The following TBC1D19 variants were observed in gnomAD, a reference collection of about 807,000 sequenced individuals.
TBC1D19 encodes TBC1 domain family, member 19.
TBC1D19 carries 60 observed loss-of-function variants against 89.0 expected under a neutral mutation model. That is an observed-to-expected ratio of 0.67 (90% CI 0.55 to 0.84). TBC1D19 has a LOEUF of 0.84. Ranked by LOEUF, TBC1D19 falls within the 40% of genes least tolerant of loss-of-function variation. The pLI is 0.00. For synonymous variants in TBC1D19, 189 were observed against 199.7 expected (o/e 0.95, Z 0.45); for missense variants, 500 against 610.8 (o/e 0.82, Z 1.91).
chr4:26,585,493 T>C (rs545134435), intron 1 of TBC1D19, among the ~76,000 whole-genome samples: 4 of 152,218 alleles, frequency 2.6e-5, no homozygotes, highest in African/African-American at 9.6e-5. Context: ...AAAATAGTGT[T>C]GTCTTCTTAT....
intron 13 of TBC1D19, among the ~76,000 whole-genome samples, chr4:26,694,326 C>A (rs1263188602): frequency 2.0e-5 from 3 of 152,148 alleles, no homozygotes. Context: ...GATTGAACTG[C>A]AAGTCAGCAG....
At chr4:26,646,122 CAAAA>C (rs1170955624) in intron 7 of TBC1D19, among the ~76,000 whole-genome samples, 4 of 42,198 alleles carry the variant, frequency 9.5e-5, no homozygotes, top group African/African-American at 3.5e-4. Context: ...GACTCCGTCT[CAAAA>C]AAAAAAAAAA....
chr4:26,730,415 T>C (rs1485714269), intron 15 of TBC1D19, among the ~76,000 whole-genome samples: 2 of 152,234 alleles, frequency 1.3e-5, no homozygotes, highest in African/African-American at 2.4e-5. Context: ...GCATATATTA[T>C]AATATTTAAT....
downstream of TBC1D19, among the ~76,000 whole-genome samples, chr4:26,756,898 G>A (rs1258155558): frequency 6.6e-6 from 1 of 152,158 alleles, no homozygotes; most frequent in Non-Finnish European, 1.5e-5. Flanking sequence ...GAATCCCAAA[G>A]CCAGACCTGG....
At chr4:26,751,001 T>C (rs1327636848) in intron 19 of TBC1D19, among the ~76,000 whole-genome samples, 1 of 152,214 alleles carries the variant, frequency 6.6e-6, no homozygotes, top group Non-Finnish European at 1.5e-5. Flanking sequence ...ATGTTCTCGA[T>C]AGAATTGCTT....
intron 13 of TBC1D19, among the ~76,000 whole-genome samples, chr4:26,699,421 T>C (rs1320503913): frequency 6.6e-6 from 1 of 152,208 alleles, no homozygotes; most frequent in East Asian, 1.9e-4. Context: ...GGTGGGACTG[T>C]AAACTAGTTC....
chr4:26,611,484 T>C (rs1372927128), intron 1 of TBC1D19, among the ~76,000 whole-genome samples: 1 of 151,938 alleles, frequency 6.6e-6, no homozygotes, highest in Non-Finnish European at 1.5e-5. Context: ...AGTTGACAGG[T>C]GGACCCAGAA....
the TBC1D19 span, among the ~76,000 whole-genome samples, chr4:26,834,214 T>A: frequency 6.6e-6 from 1 of 152,200 alleles, no homozygotes; most frequent in African/African-American, 2.4e-5. Flanking sequence ...TGCAGAACCA[T>A]GAGCCAATTA....
the TBC1D19 span, among the ~76,000 whole-genome samples, chr4:26,808,880 A>G: frequency 1.3e-5 from 2 of 152,216 alleles, no homozygotes; most frequent in Non-Finnish European, 2.9e-5. Context: ...GCTGAGCAGC[A>G]TTGACTTGCT....
At chr4:26,744,390 T>C (rs1718530413) in intron 18 of TBC1D19, among the ~76,000 whole-genome samples, 1 of 151,026 alleles carries the variant, frequency 6.6e-6, no homozygotes, top group Non-Finnish European at 1.5e-5. Context: ...ATTTTTACTC[T>C]TATATTTATT....
the TBC1D19 span, among the ~76,000 whole-genome samples, chr4:26,814,836 C>T: frequency 2.6e-5 from 4 of 152,130 alleles, no homozygotes; most frequent in African/African-American, 7.2e-5. Flanking sequence ...GCCTGAGCAA[C>T]ATGGCAAGAG....
the TBC1D19 span, among the ~76,000 whole-genome samples, chr4:26,791,378 G>A: frequency 1.3e-5 from 2 of 152,180 alleles, no homozygotes; most frequent in East Asian, 3.9e-4. Flanking sequence ...CTGTGAATGA[G>A]CAAGGAGAGT....
intron 9 of TBC1D19, among the ~76,000 whole-genome samples, chr4:26,670,735 ACT>A (rs1712225523): frequency 6.6e-6 from 1 of 151,502 alleles, no homozygotes; most frequent in Admixed American, 6.6e-5. Context: ...AGATTCTGTC[ACT>A]CTCATGGGTA....
the TBC1D19 span, among the ~76,000 whole-genome samples, chr4:26,813,757 C>T: frequency 6.8e-3 from 1,032 of 152,296 alleles, 6 homozygotes; most frequent in African/African-American, 0.024. Flanking sequence ...TCCTTCCCCG[C>T]GCCTCTCCTG....
the TBC1D19 span, among the ~76,000 whole-genome samples, chr4:26,856,093 T>C: frequency 1.3e-5 from 2 of 152,206 alleles, no homozygotes; most frequent in Non-Finnish European, 2.9e-5. Context: ...AGTAACCTTA[T>C]ACCCTTTGGT....
chr4:26,767,457 C>A, the TBC1D19 span, among the ~76,000 whole-genome samples: 1 of 152,290 alleles, frequency 6.6e-6, no homozygotes, highest in East Asian at 1.9e-4. Flanking sequence ...GAAGCCCTAA[C>A]CTCCAATGTG....
intron 4 of TBC1D19, 93 bp downstream of exon 4, chr4:26,620,781 T>A: frequency 9.0e-7 from 1 of 1,116,728 alleles, no homozygotes; most frequent in Non-Finnish European, 1.3e-6. Flanking sequence ...TATGTATTAT[T>A]AATTATGAAA....
At chr4:26,706,282 T>C (rs1715732684) in intron 13 of TBC1D19, among the ~76,000 whole-genome samples, 1 of 152,198 alleles carries the variant, frequency 6.6e-6, no homozygotes, top group Non-Finnish European at 1.5e-5. Flanking sequence ...TAGAAATTTG[T>C]TCATTTTATC....
At chr4:26,577,397 C>T (rs1408944926) in intron 1 of TBC1D19, among the ~76,000 whole-genome samples, 1 of 151,742 alleles carries the variant, frequency 6.6e-6, no homozygotes, top group Non-Finnish European at 1.5e-5. Flanking sequence ...TTTTTGTTTC[C>T]AGTGCAAGGC....
Sources: allele counts gnomAD v4.1 joint callset (sites outside exome capture counted in the v4.1 genomes callset), GRCh38; gene constraint gnomAD v4.1.1; transcripts MANE v1.5; gene names NCBI Gene and HGNC (gene_info 2026-07-23, HGNC 2026-07-21).